PVT1: variants seen among roughly 807,000 people sequenced by gnomAD.
PVT1 encodes the protein CXCR4/PVT1 fusion.
rs998425156 is a variant in PVT1 at position 127,858,945 on chromosome 8, C to T, written n.373-31644C>T. ...GCCTCAGCCTCCTGAATAGCTGGGA[C>T]TTTGGGTGTGTGCCACCACGCTTGA... On this transcript the variant is annotated intron_variant and non_coding_transcript_variant, in intron 2 of 10. Coordinates refer to ENST00000651587, the Ensembl canonical transcript of PVT1. 2.0e-5 allele frequency among the ~76,000 whole-genome samples: 3 copies of T among 149,472 alleles called. No individual in the cohort carries two copies. In the Admixed American group the frequency reaches 2.0e-4, roughly 10 times the overall value.
intron 4 of PVT1, among the ~76,000 whole-genome samples, chr8:128,034,707 C>CTG (rs1813441333): frequency 6.6e-6 from 1 of 152,204 alleles, no homozygotes; most frequent in Non-Finnish European, 1.5e-5. Context: ...GCTGGAACAC[C>CTG]TGGCTCTGTT....
intron 2 of PVT1, among the ~76,000 whole-genome samples, chr8:127,883,661 T>C (rs560707502): frequency 1.2e-3 from 180 of 151,874 alleles, no homozygotes; most frequent in Non-Finnish European, 2.1e-3. Context: ...AAAAAAAGAA[T>C]TCCTATTTTA....
intron 4 of PVT1, among the ~76,000 whole-genome samples, chr8:128,044,864 G>A (rs1813592614): frequency 6.6e-6 from 1 of 152,168 alleles, no homozygotes; most frequent in Non-Finnish European, 1.5e-5. Flanking sequence ...CCTCCTGAGG[G>A]TGCGGAGTGA....
At chr8:127,882,079 A>C (rs569323967) in intron 2 of PVT1, among the ~76,000 whole-genome samples, 1 of 152,176 alleles carries the variant, frequency 6.6e-6, no homozygotes, top group Non-Finnish European at 1.5e-5. Context: ...AACACTTTCA[A>C]TGAGCTTAAG....
At chr8:128,041,050 TTTGTGTGTTTTGTGC>T (rs1354345615) in intron 4 of PVT1, among the ~76,000 whole-genome samples, 1 of 151,536 alleles carries the variant, frequency 6.6e-6, no homozygotes, top group Non-Finnish European at 1.5e-5. Flanking sequence ...TGCCTGTGTG[TTTGTGTGTTTTGTGC>T]TTGTGTGTAT....
At chr8:127,944,545 A>T (rs1269820367) in intron 3 of PVT1, among the ~76,000 whole-genome samples, 3 of 136,340 alleles carry the variant, frequency 2.2e-5, no homozygotes, top group South Asian at 2.5e-4. Flanking sequence ...CCTCTGCCAC[A>T]GTTGTCCCAT....
At chr8:127,852,633 C>T (rs1815117094) in intron 2 of PVT1, among the ~76,000 whole-genome samples, 1 of 152,146 alleles carries the variant, frequency 6.6e-6, no homozygotes, top group African/African-American at 2.4e-5. Context: ...GCCTGGCTTC[C>T]TGGCAAGATT....
intron 4 of PVT1, among the ~76,000 whole-genome samples, chr8:128,051,687 T>C (rs1813697916): frequency 6.6e-6 from 1 of 152,202 alleles, no homozygotes. Flanking sequence ...TTTGACCTCA[T>C]TGATTCCATC....
At chr8:127,817,460 A>AATAT (rs34623953) in intron 2 of PVT1, among the ~76,000 whole-genome samples, 5 of 83,522 alleles carry the variant, frequency 6.0e-5, no homozygotes, top group Non-Finnish European at 1.4e-4. Context: ...CCCTTAGGGA[A>AATAT]ATATATATAT....
intron 2 of PVT1, among the ~76,000 whole-genome samples, chr8:127,867,809 A>T (rs1218073085): frequency 6.6e-6 from 1 of 152,074 alleles, no homozygotes; most frequent in Non-Finnish European, 1.5e-5. Flanking sequence ...TCCGGATGAA[A>T]ATGTCCCAGA....
chr8:127,797,739 G>A (rs569672279), intron 2 of PVT1, among the ~76,000 whole-genome samples: 2 of 152,150 alleles, frequency 1.3e-5, no homozygotes, highest in African/African-American at 4.8e-5. Flanking sequence ...AACTCCATGA[G>A]GCATTTATAA....
chr8:127,826,630 A>C (rs1417314624), intron 2 of PVT1, among the ~76,000 whole-genome samples: 1 of 152,224 alleles, frequency 6.6e-6, no homozygotes, highest in Non-Finnish European at 1.5e-5. Context: ...TATACACACA[A>C]GCATATTTGC....
rs895904681 is a variant in PVT1, at chr8:127,977,329, C to T, written n.783-11833C>T. Among the ~76,000 whole-genome samples the T allele has an allele frequency of 3.3e-5, 5 of 152,166 alleles. No individual in the cohort carries two copies. In the South Asian group the frequency reaches 1.0e-3, roughly 31 times the overall value. On this transcript the variant is annotated intron_variant and non_coding_transcript_variant, in intron 3 of 10. Transcript: ENST00000651587. ...AGTCTGGGCTTCTCAAGTGTGGGTT[C>T]TGCCCCTGAAGCTGTTTTCTCACAA...
At chr8:128,039,018 G>T (rs1813498225) in intron 4 of PVT1, among the ~76,000 whole-genome samples, 1 of 152,168 alleles carries the variant, frequency 6.6e-6, no homozygotes, top group African/African-American at 2.4e-5. Flanking sequence ...AGAAGGAAGG[G>T]GAGGGACGGA....
chr8:127,984,865 CTTTCTTTCTTTCTTTCTTTCTTTCTT>C (rs1816930280), intron 3 of PVT1, among the ~76,000 whole-genome samples: 1 of 66,782 alleles, frequency 1.5e-5, no homozygotes, highest in Non-Finnish European at 3.1e-5. Context: ...TTCTTTCTTT[CTTTCTTTCTTTCTTTCTTTCTTTCTT>C]TCTTTCTTTC....
chr8:127,931,311 C>T (rs1816203719), intron 3 of PVT1, among the ~76,000 whole-genome samples: 1 of 152,142 alleles, frequency 6.6e-6, no homozygotes, highest in Admixed American at 6.5e-5. Flanking sequence ...AAGTGATTGC[C>T]CTCATCTCTT....
intron 3 of PVT1, among the ~76,000 whole-genome samples, chr8:127,894,315 A>C (rs1815647051): frequency 6.6e-6 from 1 of 152,164 alleles, no homozygotes; most frequent in Non-Finnish European, 1.5e-5. Context: ...TCTTCGGTGA[A>C]CAGCCCAAGG....
chr8:127,841,677 A>G (rs1814976142), intron 2 of PVT1, among the ~76,000 whole-genome samples: 1 of 152,008 alleles, frequency 6.6e-6, no homozygotes. Flanking sequence ...ACTTCTCATC[A>G]CAGATGCAAT....
chr8:127,873,831 A>G (rs1172071086), intron 2 of PVT1, among the ~76,000 whole-genome samples: 2 of 152,112 alleles, frequency 1.3e-5, no homozygotes, highest in Admixed American at 6.5e-5. Context: ...TTCCTTTGCA[A>G]TCTTTTGCCA....
Sources: allele counts gnomAD v4.1 joint callset (sites outside exome capture counted in the v4.1 genomes callset), GRCh38; gene constraint gnomAD v4.1.1; transcripts MANE v1.5; gene names NCBI Gene and HGNC (gene_info 2026-07-23, HGNC 2026-07-21).